The following PDE4B variants were observed in gnomAD, a reference collection of about 807,000 sequenced individuals.
PDE4B encodes phosphodiesterase 4B.
Under a neutral mutation model 82.2 loss-of-function variants are expected in PDE4B, and 20 were observed. The ratio of observed to expected loss-of-function variants is 0.24; its 90% confidence interval spans 0.17 to 0.35. The LOEUF (loss-of-function observed/expected upper bound fraction) is 0.35. Among genes scored for constraint, PDE4B ranks in the 10% least tolerant of loss-of-function variants. The pLI is 1.00. For missense variants in PDE4B, 655 were observed against 907.2 expected (o/e 0.72, Z 3.57); for synonymous variants, 320 against 318.9 (o/e 1.00, Z -0.04).
chr1:65,991,733 C>T (rs768218141), intron 3 of PDE4B, among the ~76,000 whole-genome samples: 21 of 152,106 alleles, frequency 1.4e-4, no homozygotes, highest in Non-Finnish European at 2.5e-4. Flanking sequence ...CTCGCCTGTC[C>T]GTAAGTCTCA....
At chr1:66,290,328 A>G (rs1402647129) in intron 7 of PDE4B, among the ~76,000 whole-genome samples, 1 of 152,186 alleles carries the variant, frequency 6.6e-6, no homozygotes, top group Non-Finnish European at 1.5e-5. Flanking sequence ...ACCATAGCTT[A>G]TATTTATTGA....
At chr1:66,094,097 G>A (rs528059041) in intron 3 of PDE4B, among the ~76,000 whole-genome samples, 2 of 152,036 alleles carry the variant, frequency 1.3e-5, no homozygotes, top group African/African-American at 2.4e-5. Flanking sequence ...AAATGGATGA[G>A]AGCATTAAAA....
intron 7 of PDE4B, among the ~76,000 whole-genome samples, chr1:66,284,378 C>G (rs562836234): frequency 6.6e-6 from 1 of 152,288 alleles, no homozygotes; most frequent in African/African-American, 2.4e-5. Context: ...CATATTAATT[C>G]TGACCATGAC....
intron 3 of PDE4B, among the ~76,000 whole-genome samples, chr1:66,181,763 A>G (rs1217436427): frequency 6.6e-6 from 1 of 152,154 alleles, no homozygotes; most frequent in Non-Finnish European, 1.5e-5. Context: ...ATGAGATTGC[A>G]GTCAGTTCCC....
At chr1:65,887,247 T>TTTCTTTCTTTCTTTCTTTCTTTTTC (rs1297971405) in intron 1 of PDE4B, among the ~76,000 whole-genome samples, 2 of 37,700 alleles carry the variant, frequency 5.3e-5, no homozygotes, top group African/African-American at 2.1e-4. Context: ...TCTTTCTTTC[T>TTTCTTTCTTTCTTTCTTTCTTTTTC]TTTCTTTCTT....
intron 3 of PDE4B, among the ~76,000 whole-genome samples, chr1:66,147,750 T>C (rs1646305161): frequency 6.6e-6 from 1 of 152,180 alleles, no homozygotes; most frequent in African/African-American, 2.4e-5. Flanking sequence ...CTTGGAGATG[T>C]TTTAAATCAC....
intron 7 of PDE4B, among the ~76,000 whole-genome samples, chr1:66,299,587 G>A (rs1361888905): frequency 1.3e-5 from 2 of 152,096 alleles, no homozygotes; most frequent in Non-Finnish European, 2.9e-5. Flanking sequence ...CCCAGTAGTG[G>A]GATCACTGTA....
At chr1:66,265,981 G>C in intron 6 of PDE4B, 57 bp from the exon 7 acceptor site, 2 of 1,276,282 alleles carry the variant, frequency 1.6e-6, no homozygotes, top group South Asian at 2.4e-5. Context: ...GGGTGTCGGG[G>C]GTGGAATGGG....
intron 3 of PDE4B, among the ~76,000 whole-genome samples, chr1:66,155,264 G>C (rs1646480440): frequency 6.6e-6 from 1 of 151,858 alleles, no homozygotes; most frequent in Admixed American, 6.6e-5. Flanking sequence ...TCCCTCCACA[G>C]ACTCATTCCA....
intron 3 of PDE4B, among the ~76,000 whole-genome samples, chr1:66,222,451 T>C (rs1438790566): frequency 6.6e-6 from 1 of 152,258 alleles, no homozygotes; most frequent in Non-Finnish European, 1.5e-5. Context: ...AATAAGCACC[T>C]AGTAAAAGTT....
intron 3 of PDE4B, among the ~76,000 whole-genome samples, chr1:66,053,155 A>G (rs2100868961): frequency 6.6e-6 from 1 of 152,350 alleles, no homozygotes; most frequent in South Asian, 2.1e-4. Context: ...ATCTTTCCTG[A>G]AATGCCTTAA....
intron 1 of PDE4B, among the ~76,000 whole-genome samples, chr1:65,864,080 T>C (rs1241777483): frequency 6.6e-6 from 1 of 152,018 alleles, no homozygotes; most frequent in Non-Finnish European, 1.5e-5. Context: ...TTTACTGTAA[T>C]CTTGTCTTTA....
chr1:65,883,381 A>G (rs922417343), intron 1 of PDE4B, among the ~76,000 whole-genome samples: 1 of 152,152 alleles, frequency 6.6e-6, no homozygotes, highest in Non-Finnish European at 1.5e-5. Context: ...CATCCCTTGT[A>G]AGTTAGATTC....
At chr1:66,334,912 G>A (rs1660396042) in intron 8 of PDE4B, among the ~76,000 whole-genome samples, 1 of 151,976 alleles carries the variant, frequency 6.6e-6, no homozygotes, top group Non-Finnish European at 1.5e-5. Flanking sequence ...AGGAGTTCGA[G>A]ATAATGCAAT....
intron 7 of PDE4B, 133 bp from the exon 8 acceptor site, chr1:66,332,375 G>GC (rs1660182169): frequency 6.2e-7 from 1 of 1,612,906 alleles, no homozygotes; most frequent in Non-Finnish European, 8.5e-7. Context: ...GAAGGAAGGA[G>GC]CCAGCGTGCA....
chr1:66,052,314 T>A (rs1655072977), intron 3 of PDE4B, among the ~76,000 whole-genome samples: 1 of 152,182 alleles, frequency 6.6e-6, no homozygotes, highest in Non-Finnish European at 1.5e-5. Context: ...CAAAGAAAGC[T>A]AAAAATGCTT....
chr1:66,310,307 C>T (rs1030196448), intron 7 of PDE4B, among the ~76,000 whole-genome samples: 13 of 152,176 alleles, frequency 8.5e-5, no homozygotes, highest in Admixed American at 6.5e-4. Context: ...GTGATAAAGC[C>T]GGGACTATAA....
intron 3 of PDE4B, among the ~76,000 whole-genome samples, chr1:66,069,235 AT>A (rs574192637): frequency 3.2e-3 from 493 of 152,114 alleles, no homozygotes; most frequent in Non-Finnish European, 5.6e-3. Flanking sequence ...TGTTCCCATT[AT>A]TGAGTCTTTG....
chr1:66,336,194 G>T (rs184123788), intron 8 of PDE4B, among the ~76,000 whole-genome samples: 2 of 152,168 alleles, frequency 1.3e-5, no homozygotes, highest in Non-Finnish European at 2.9e-5. Flanking sequence ...GAGGAATGGC[G>T]CAGCTGCTGT....
Sources: allele counts gnomAD v4.1 joint callset (sites outside exome capture counted in the v4.1 genomes callset), GRCh38; gene constraint gnomAD v4.1.1; transcripts MANE v1.5; gene names NCBI Gene and HGNC (gene_info 2026-07-23, HGNC 2026-07-21).